The following NLRC5 variants were observed in gnomAD, a reference collection of about 807,000 sequenced individuals.
NLRC5 encodes the protein protein NLRC5.
In NLRC5, 114 loss-of-function variants were observed where a neutral mutation model predicts 206.9. The ratio of observed to expected loss-of-function variants is 0.55; its 90% CI spans 0.47 to 0.64. The LOEUF is 0.64. NLRC5 is among the 30% of genes least tolerant of loss of function. The pLI is 0.00. For synonymous variants in NLRC5, 952 were observed against 962.8 expected (o/e 0.99, Z 0.21); for missense variants, 2,008 against 2,305.5 (o/e 0.87, Z 2.64).
At position 57,055,441 on chromosome 16, in the gene NLRC5, C is replaced by T. The variant is rs1291520578; in HGVS notation, c.3668C>T (p.Thr1223Ile). The T allele has an allele frequency of 6.2e-7, 1 of 1,613,926 alleles. No individual in the cohort carries two copies. Among genetic ancestry groups the T allele is most frequent in the South Asian group, 1.1e-5 (1 of 91,048 alleles). ...EEEGVCCGRF[T>I]GCSLSQEHVE... ...CCTTTACCTCCGTCCAGCAGGTTCACAGGCTGCAGCCTCAGCCAGGAGCAC... is the reference window on the plus strand; with the variant it reads ...CCTTTACCTCCGTCCAGCAGGTTCATAGGCTGCAGCCTCAGCCAGGAGCAC... The change falls in exon 27 of 49, where the codon ACA (threonine) becomes ATA (isoleucine). Residue 1223 changes from threonine (T) to isoleucine (I), a missense_variant. Coordinates refer to ENST00000688547, the MANE Select transcript of NLRC5 (RefSeq NM_001384950.1).
intron 24 of NLRC5, 56 bp downstream of exon 24, chr16:57,051,677 C>T (rs2064927248): frequency 2.1e-6 from 3 of 1,417,934 alleles, no homozygotes; most frequent in South Asian, 2.3e-5. Context: ...TTCTAAGGCT[C>T]CTCCATGGCA....
At chr16:57,044,759 A>C (rs1266887985) in intron 20 of NLRC5, among the ~76,000 whole-genome samples, 1 of 152,006 alleles carries the variant, frequency 6.6e-6, no homozygotes, top group African/African-American at 2.4e-5. Flanking sequence ...CCATCTCTAC[A>C]GAAACTTTAA....
intron 1 of NLRC5, among the ~76,000 whole-genome samples, chr16:56,995,590 C>T (rs1392833860): frequency 6.9e-6 from 1 of 145,088 alleles, no homozygotes; most frequent in East Asian, 2.0e-4. Flanking sequence ...AGCACCTATC[C>T]CTTGTGGGTG....
chr16:57,059,287 G>A lies in NLRC5; in HGVS notation c.3921-180G>A, dbSNP rs1216972479. The A allele has an allele frequency of 2.7e-6, 4 of 1,460,720 alleles. No individual in the cohort carries two copies. The African/African-American group carries it at 4.3e-5, about 16-fold the overall frequency. 90.5% of individuals were successfully genotyped at this position (1,460,720 alleles called of 1,614,324 possible). ...ACCATGGAGGCCATGGGGTGGGAAG[G>A]CCAGGTATTGCCATGCTCACAGAAT... On this transcript the variant is annotated intron_variant, in intron 29 of 48. Coordinates refer to ENST00000688547, the MANE Select transcript of NLRC5 (RefSeq NM_001384950.1).
chr16:57,026,011 T>C lies in NLRC5; in HGVS notation c.1068T>C (p.Pro356=). 1.2e-6 allele frequency: 2 copies of C among 1,614,026 alleles called. No individual in the cohort carries two copies. The highest frequency in any genetic ancestry group is 1.6e-4 in the Middle Eastern group (1 of 6,062). ...SRPGKLPACL[P]AEAAMVHMLG... is the part of the protein sequence containing the mutation. The stretch of plus-strand genomic sequence containing the variant: ...CAGGGAAGCTGCCTGCCTGCCTGCC[T>C]GCAGAGGCAGCCATGGTCCACATGT... Residue 356 remains proline (P), a synonymous_variant, in exon 6 of 49, where the codon CCT becomes CCC. Transcript: ENST00000688547.
rs2063591203 is a variant in NLRC5 at position 57,043,868 on chromosome 16, G to C, written c.3203+264G>C. ...ATTGACTCTGCCTCACTCGTTCTTT[G>C]GATAGTCCTTAGAGATTTTTTTTTT... On this transcript the variant is annotated intron_variant, in intron 20 of 48. Transcript: ENST00000688547. 5 of 518,618 alleles carry C rather than the reference G, an allele frequency of 9.6e-6. No homozygotes were observed. The East Asian group carries it at 1.6e-4, about 17-fold the overall frequency. 32.1% of individuals were successfully genotyped at this position (518,618 alleles called of 1,614,324 possible).
At chr16:57,081,011 C>A in intron 46 of NLRC5, 87 bp from the exon 47 acceptor site, 1 of 1,214,760 alleles carries the variant, frequency 8.2e-7, no homozygotes. Flanking sequence ...CCACGACTGG[C>A]ACCCTGCTTT....
At chr16:57,032,050 G>A (rs1439991550) in intron 11 of NLRC5, among the ~76,000 whole-genome samples, 1 of 152,048 alleles carries the variant, frequency 6.6e-6, no homozygotes, top group African/African-American at 2.4e-5. Flanking sequence ...ATGTATGTAT[G>A]CCCCTGAGCA....
At chr16:57,013,137 A>G (rs2059673488) in intron 1 of NLRC5, 1 of 339,476 alleles carries the variant, frequency 2.9e-6, no homozygotes, top group Non-Finnish European at 5.7e-6. Flanking sequence ...TATTCAACTC[A>G]AAATCTTCAT....
intron 1 of NLRC5, among the ~76,000 whole-genome samples, chr16:57,005,779 G>T (rs372221728): frequency 1.3e-5 from 2 of 151,916 alleles, no homozygotes; most frequent in Non-Finnish European, 2.9e-5. Flanking sequence ...AATTAGCTAG[G>T]TGTGGTGGTG....
At chr16:57,001,881 C>T (rs1451899966) in intron 1 of NLRC5, among the ~76,000 whole-genome samples, 1 of 151,826 alleles carries the variant, frequency 6.6e-6, no homozygotes, top group Admixed American at 6.6e-5. Context: ...ACCATCCCCA[C>T]CTCCCCCACC....
At chr16:57,049,265 T>C (rs1265190564) in intron 23 of NLRC5, among the ~76,000 whole-genome samples, 4 of 152,162 alleles carry the variant, frequency 2.6e-5, no homozygotes, top group Non-Finnish European at 5.9e-5. Flanking sequence ...TGCTTCTAGG[T>C]GTTGTGTTTT....
intron 36 of NLRC5, among the ~76,000 whole-genome samples, chr16:57,069,376 C>T (rs1340973979): frequency 4.6e-5 from 7 of 152,126 alleles, no homozygotes; most frequent in Non-Finnish European, 1.0e-4. Flanking sequence ...GAGGAAAAAT[C>T]GCTTGAGCCC....
At chr16:57,058,935 G>T (rs1340591320) in intron 28 of NLRC5, 37 bp from the exon 29 acceptor site, 4 of 1,575,590 alleles carry the variant, frequency 2.5e-6, no homozygotes, top group Admixed American at 1.7e-5. Context: ...AGGAGGTCCT[G>T]CCCTCACTCC....
rs776063441 is a variant in NLRC5 at position 57,058,050 on chromosome 16, C to G, written c.3747-15C>G. On this transcript the variant is annotated splice_polypyrimidine_tract_variant and intron_variant, in intron 27 of 48. Transcript: ENST00000688547. ...GGCACCTCTGATCCCCGCCACTGCT[C>G]CTTACCCCCTACAGTCTCTCAGCAA... The G allele has an allele frequency of 6.2e-7, 1 of 1,608,582 alleles. No individual in the cohort carries two copies. The highest frequency in any genetic ancestry group is 8.5e-7 in the Non-Finnish European group (1 of 1,176,914).
chr16:57,033,739 C>T, intron 12 of NLRC5, 70 bp downstream of exon 12: 1 of 1,421,788 alleles, frequency 7.0e-7, no homozygotes, highest in Non-Finnish European at 9.9e-7. Flanking sequence ...CAAGGGAGAG[C>T]AGGGGCAGGG....
chr16:57,038,450 G>A (rs2062873314), intron 15 of NLRC5, among the ~76,000 whole-genome samples: 1 of 152,026 alleles, frequency 6.6e-6, no homozygotes, highest in Non-Finnish European at 1.5e-5. Context: ...TAGAGAGAGG[G>A]TCTTGCTATA....
intron 1 of NLRC5, chr16:57,013,268 G>A: frequency 1.8e-6 from 1 of 566,818 alleles, no homozygotes; most frequent in Non-Finnish European, 3.3e-6. Context: ...AGGATTTTGA[G>A]CTATAACTGT....
intron 39 of NLRC5, among the ~76,000 whole-genome samples, chr16:57,075,192 C>T (rs1225323577): frequency 2.0e-5 from 3 of 151,924 alleles, no homozygotes; most frequent in Non-Finnish European, 2.9e-5. Flanking sequence ...AGGCCTAAGG[C>T]GTTGCACCCA....
Sources: gnomAD v4.1 joint callset for allele counts (sites outside exome capture counted in the v4.1 genomes callset) on GRCh38, gnomAD v4.1.1 for gene constraint, MANE v1.5 for transcripts, NCBI Gene and HGNC (gene_info 2026-07-23, HGNC 2026-07-21) for gene names.